SCN7A: variants seen among roughly 807,000 people sequenced by gnomAD.
SCN7A encodes the protein sodium channel protein type 7 subunit alpha.
Under a neutral mutation model 155.2 loss-of-function variants are expected in SCN7A, and 138 were observed. The observed-to-expected ratio is 0.89, with a 90% CI of 0.77 to 1.02. The LOEUF (loss-of-function observed/expected upper bound fraction) is 1.02, where lower values mean the gene tolerates loss of function less well. Among genes scored for constraint, SCN7A ranks in the 50% least tolerant of loss-of-function variants. The pLI is 0.00. For missense variants in SCN7A, 2,058 were observed against 1,986.6 expected (o/e 1.04, Z -0.68); for synonymous variants, 693 against 649.0 (o/e 1.07, Z -1.03).
At chr2:166,468,972 CAT>C (rs978981305) in intron 7 of SCN7A, among the ~76,000 whole-genome samples, 3 of 151,114 alleles carry the variant, frequency 2.0e-5, no homozygotes, top group African/African-American at 7.3e-5. Flanking sequence ...ACATTTATAA[CAT>C]TTTACAATAT....
In SCN7A at chr2:166,404,523, T is replaced by C. The variant is rs35106200; in HGVS notation, c.*1057A>G. ...TCTCATAGTTTGAGTGACCATTGTC[T>C]CTCTCTAAGTTATAAAGAATTATAA... is the stretch of plus-strand genomic sequence containing the variant. On this transcript the variant is annotated 3_prime_UTR_variant, in exon 26 of 26. Coordinates refer to ENST00000643258, the MANE Select transcript of SCN7A (RefSeq NM_002976.4). The C allele has an allele frequency of 0.076, 11,476 of 151,898 alleles. 525 individuals are homozygous for C. The highest frequency in any genetic ancestry group is 0.13 in the Middle Eastern group (39 of 292). The allele number at this position is 151,898 out of a possible 1,614,324, so 9.4% of individuals were successfully genotyped here. A position where few individuals can be genotyped will look rare whatever the true frequency, so the allele number is the denominator to read the frequency against.
At chr2:166,450,291 A>T (rs1056918226) in intron 11 of SCN7A, among the ~76,000 whole-genome samples, 1 of 152,098 alleles carries the variant, frequency 6.6e-6, no homozygotes, top group Non-Finnish European at 1.5e-5. Context: ...AGATGGGAAC[A>T]ACAGACATCG....
intron 24 of SCN7A, 126 bp downstream of exon 24, chr2:166,410,094 A>T: frequency 9.0e-7 from 1 of 1,110,604 alleles, no homozygotes; most frequent in Non-Finnish European, 1.3e-6. Flanking sequence ...CAAACAAACA[A>T]AATGACCATG....
chr2:166,459,262 A>G (rs941713735), intron 10 of SCN7A, among the ~76,000 whole-genome samples: 2 of 152,166 alleles, frequency 1.3e-5, no homozygotes, highest in African/African-American at 4.8e-5. Context: ...GCATAAAAGC[A>G]TATACTCTTG....
Position 166,414,291 on chromosome 2 carries a change from CACAT to C in SCN7A, c.3415-1174_3415-1171del, listed in dbSNP as rs1357430430. On this transcript the variant is annotated intron_variant, in intron 21 of 25. Transcript: ENST00000643258. ...ACACACATATATATATATATACACA[CACAT>C]ATATATATATATATATACACATATA... Among the ~76,000 whole-genome samples, 36 of 42,724 alleles carry C rather than the reference CACAT, an allele frequency of 8.4e-4. 2 individuals carry two copies. The highest frequency in any genetic ancestry group is 3.1e-3 in the African/African-American group (32 of 10,448). The allele number at this position is 42,724 out of a possible 152,430, so 28.0% of individuals were successfully genotyped here.
At position 166,447,663 on chromosome 2, in the gene SCN7A, T is replaced by G; in HGVS notation, c.1336A>C (p.Thr446Pro). The G allele has an allele frequency of 6.2e-7, 1 of 1,613,394 alleles. No homozygotes were observed. The highest frequency in any genetic ancestry group is 8.5e-7 in the Non-Finnish European group (1 of 1,179,530). ...TCCAACACATCCAATGATGTGTCTG[T>G]GGAAATTGGTGACCTTTTCTTCATT... ...IEMKKRSPIS[T>P]DTSLDVLEDA... Residue 446 changes from threonine (T) to proline (P), a missense_variant, in exon 12 of 26, where the codon ACA becomes CCA. Coordinates refer to ENST00000643258, the MANE Select transcript of SCN7A (RefSeq NM_002976.4).
rs180849525 is a variant in SCN7A, at chr2:166,415,778, T to C, written c.3414+929A>G. 8.7e-3 allele frequency among the ~76,000 whole-genome samples: 1,318 copies of C among 152,216 alleles called. 4 individuals are homozygous for C. Among genetic ancestry groups the C allele is most frequent in the Middle Eastern group, 0.051 (15 of 294 alleles). ...GTGATAATTGTGTTAACTGTACAAATTGATTGTAAAACATGTGTGTTTGAA... is the reference window on the plus strand; with the variant it reads ...GTGATAATTGTGTTAACTGTACAAACTGATTGTAAAACATGTGTGTTTGAA... On this transcript the variant is annotated intron_variant, in intron 21 of 25. Transcript: ENST00000643258.
At chr2:166,483,841 T>C (rs929412389) in intron 2 of SCN7A, among the ~76,000 whole-genome samples, 6 of 151,908 alleles carry the variant, frequency 3.9e-5, no homozygotes, top group Non-Finnish European at 8.8e-5. Flanking sequence ...TGGGTACAAA[T>C]GTCAAACCAA....
intron 18 of SCN7A, among the ~76,000 whole-genome samples, chr2:166,427,323 G>A (rs561285146): frequency 3.9e-5 from 6 of 152,086 alleles, no homozygotes; most frequent in South Asian, 2.1e-4. Context: ...GATTCTGAGC[G>A]CAGAGTTAAG....
intron 20 of SCN7A, among the ~76,000 whole-genome samples, 180 bp downstream of exon 20, chr2:166,421,010 A>T (rs1041400306): frequency 5.3e-5 from 8 of 151,992 alleles, no homozygotes; most frequent in African/African-American, 1.9e-4. Context: ...GAGGAATAAG[A>T]ACCTAGAATC....
At chr2:166,440,324 A>G (rs1701931808) in intron 15 of SCN7A, among the ~76,000 whole-genome samples, 1 of 152,200 alleles carries the variant, frequency 6.6e-6, no homozygotes, top group Non-Finnish European at 1.5e-5. Context: ...GACTGACAGC[A>G]GTGTTACATT....
Position 166,421,301 on chromosome 2 carries a change from T to C in SCN7A, c.3028-4A>G, listed in dbSNP as rs1248688643. 6.2e-6 allele frequency: 9 copies of C among 1,454,860 alleles called. No individual in the cohort carries two copies. Among genetic ancestry groups the C allele is most frequent in the Non-Finnish European group, 8.2e-6 (9 of 1,094,292 alleles). The allele number at this position is 1,454,860 out of a possible 1,614,324, so 90.1% of individuals were successfully genotyped here. ...CTATTAAGCTAAGACAAAACACCTA[T>C]ATATTTTTTTTAAAAAAAGAGTGAA... On this transcript the variant is annotated splice_polypyrimidine_tract_variant and splice_region_variant and intron_variant, in intron 19 of 25. Transcript: ENST00000643258.
At chr2:166,472,209 C>G (rs1702674307) in intron 6 of SCN7A, 108 bp downstream of exon 6, 2 of 1,086,282 alleles carry the variant, frequency 1.8e-6, no homozygotes, top group East Asian at 5.8e-5. Context: ...GTATTCTTCA[C>G]TTGCAGACTA....
At chr2:166,460,162 A>G (rs998851493) in intron 10 of SCN7A, among the ~76,000 whole-genome samples, 3 of 152,272 alleles carry the variant, frequency 2.0e-5, no homozygotes, top group East Asian at 1.9e-4. Context: ...TACAATAATG[A>G]AGATCCTGAG....
chr2:166,470,659 G>T lies in SCN7A; in HGVS notation c.620C>A (p.Thr207Asn), dbSNP rs1302775925. Residue 207 changes from threonine to asparagine, a missense_variant, in exon 7 of 26, where the codon ACT becomes AAT. Thr to Asn is a moderately conservative substitution (Grantham distance 65, BLOSUM62 0). Transcript: ENST00000643258. ...TTTTAAAATTCTCAAAGTTCTTGCAGTTTGAAGCGTTGGAATGAAGTCCAG... is the reference window on the plus strand; with the variant it reads ...TTTTAAAATTCTCAAAGTTCTTGCATTTTGAAGCGTTGGAATGAAGTCCAG... ...SPLDFIPTLQ[T>N]ARTLRILKII... The T allele has an allele frequency of 2.5e-6, 4 of 1,609,106 alleles. No homozygotes were observed. In the South Asian group the frequency reaches 4.4e-5, roughly 18 times the overall value.
chr2:166,405,739 G>C lies in SCN7A; in HGVS notation c.4890C>G (p.Thr1630=). ...AATTTTTATAAGCACGTTGAATGAT[G>C]GTTGCTGAAACTGCCTCTTGTTTTC... The part of the protein sequence containing the change: ...LKRKQEAVSA[T]IIQRAYKNYR... The change falls in exon 26 of 26, where the codon ACC becomes ACG. Residue 1630 remains threonine, a synonymous_variant. Transcript: ENST00000643258. The C allele has an allele frequency of 6.2e-7, 1 of 1,613,044 alleles. No homozygotes were observed. The highest frequency in any genetic ancestry group is 8.5e-7 in the Non-Finnish European group (1 of 1,179,332).
intron 7 of SCN7A, among the ~76,000 whole-genome samples, chr2:166,467,889 C>T (rs1317885400): frequency 6.6e-6 from 1 of 151,722 alleles, no homozygotes; most frequent in Non-Finnish European, 1.5e-5. Context: ...CTGGAATATA[C>T]CTTTACTTTT....
rs1372005602 is a variant in SCN7A at position 166,417,049 on chromosome 2, G to A, written c.3136-64C>T. The A allele has an allele frequency of 3.9e-6, 5 of 1,277,986 alleles. No individual in the cohort carries two copies. In the East Asian group the frequency reaches 1.3e-4, roughly 33 times the overall value. 79.2% of individuals were successfully genotyped at this position (1,277,986 alleles called of 1,614,324 possible). A position where few individuals can be genotyped will look rare whatever the true frequency, so the allele number is the denominator to read the frequency against. On this transcript the variant is annotated intron_variant, in intron 20 of 25. Coordinates refer to ENST00000643258, the MANE Select transcript of SCN7A (RefSeq NM_002976.4). Reference sequence around the variant, plus strand: ...CTGAAACTGTTTTAGTTTTTGATCAGTTTGAAAAATACTAATTGATAGAAT... The same window carrying A: ...CTGAAACTGTTTTAGTTTTTGATCAATTTGAAAAATACTAATTGATAGAAT...
In SCN7A at chr2:166,462,507, C is replaced by T; in HGVS notation, c.965G>A (p.Cys322Tyr). The change falls in exon 10 of 26, where the codon TGT becomes TAT. Residue 322 changes from cysteine to tyrosine, a missense_variant. Cys to Tyr is a radical substitution (Grantham distance 194). Transcript: ENST00000643258. Reference protein sequence around the residue: ...DAGQCPEGYVCVKAGINPDQG... With the variant: ...DAGQCPEGYVYVKAGINPDQG... ...ATCAGGATTTATGCCAGCTTTTACA[C>T]ACACATATCCTTCAGGACACTGACT... 2 of 1,613,840 alleles carry T rather than the reference C, an allele frequency of 1.2e-6. No individual in the cohort carries two copies. Among genetic ancestry groups the T allele is most frequent in the Non-Finnish European group, 8.5e-7 (1 of 1,179,818 alleles).
Sources: allele counts gnomAD v4.1 joint callset (sites outside exome capture counted in the v4.1 genomes callset), GRCh38; gene constraint gnomAD v4.1.1; transcripts MANE v1.5; gene names NCBI Gene and HGNC (gene_info 2026-07-23, HGNC 2026-07-21).